B3GAT2: variants seen among roughly 807,000 people sequenced by gnomAD.
The protein encoded by B3GAT2 is galactosylgalactosylxylosylprotein 3-beta-glucuronosyltransferase 2.
Under a neutral mutation model 27.8 loss-of-function variants are expected in B3GAT2, and 26 were observed. That is an observed-to-expected ratio of 0.93 (90% CI 0.68 to 1.30). The LOEUF is 1.30. Ranked by LOEUF, B3GAT2 falls within the 50% of genes most tolerant of loss-of-function variation. The pLI is 0.00. For synonymous variants in B3GAT2, 218 were observed against 195.1 expected, an observed-to-expected ratio of 1.12 and a Z score of -0.98; for missense variants, 458 against 459.0, an observed-to-expected ratio of 1.00 and a Z score of 0.02.
intron 1 of B3GAT2, among the ~76,000 whole-genome samples, chr6:70,948,032 C>A (rs13202347): frequency 2.6e-5 from 4 of 151,902 alleles, no homozygotes; most frequent in Non-Finnish European, 4.4e-5. Context: ...ATTCAACAAC[C>A]CTTCATGCTA....
intron 1 of B3GAT2, among the ~76,000 whole-genome samples, chr6:70,929,213 G>A (rs566607791): frequency 2.0e-5 from 3 of 152,176 alleles, no homozygotes; most frequent in Non-Finnish European, 4.4e-5. Flanking sequence ...TAGGGAGAGG[G>A]GGGAGGGATA....
Position 70,856,909 on chromosome 6 carries a change from G to C in B3GAT2, c.*4754C>G, listed in dbSNP as rs2150013427. 1 of 1,613,774 alleles carries C rather than the reference G, an allele frequency of 6.2e-7. No homozygotes were observed. Among genetic ancestry groups the C allele is most frequent in the East Asian group, 2.2e-5 (1 of 44,860 alleles). ...CAACCCTGTCTACAGTAACATCTGG[G>C]GATCTAGATTTATTCACTGAGCAAA... is the stretch of plus-strand genomic sequence containing the variant. On this transcript the variant is annotated 3_prime_UTR_variant, in exon 4 of 4. Transcript: ENST00000230053.
intron 1 of B3GAT2, among the ~76,000 whole-genome samples, chr6:70,930,919 G>A (rs1773051300): frequency 1.3e-5 from 2 of 152,174 alleles, no homozygotes; most frequent in Non-Finnish European, 2.9e-5. Flanking sequence ...CAATAGCAAA[G>A]ACTTGGAACC....
At position 70,859,933 on chromosome 6, in the gene B3GAT2, C is replaced by T. The variant is rs933184724; in HGVS notation, c.*1730G>A. The T allele has an allele frequency of 3.7e-5, 12 of 321,168 alleles. No individual in the cohort carries two copies. Among genetic ancestry groups the T allele is most frequent in the Non-Finnish European group, 4.5e-5 (8 of 175,966 alleles). 19.9% of individuals were successfully genotyped at this position (321,168 alleles called of 1,614,324 possible). ...TGTAGGTGAAAGTTAGTTAGAGTAG[C>T]GGACTCATTAAAATCCCAAGATTGC... On this transcript the variant is annotated 3_prime_UTR_variant, in exon 4 of 4. Transcript: ENST00000230053.
chr6:70,919,461 A>G (rs1772830357), intron 1 of B3GAT2, among the ~76,000 whole-genome samples: 1 of 152,100 alleles, frequency 6.6e-6, no homozygotes, highest in South Asian at 2.1e-4. Context: ...AGGAGTTGTG[A>G]TCCTTGGAGA....
At position 70,859,250 on chromosome 6, in the gene B3GAT2, C is replaced by A; in HGVS notation, c.*2413G>T. The A allele has an allele frequency of 1.0e-6, 1 of 982,246 alleles. No individual in the cohort carries two copies. The highest frequency in any genetic ancestry group is 1.5e-6 in the Non-Finnish European group (1 of 668,634). 60.8% of individuals were successfully genotyped at this position (982,246 alleles called of 1,614,324 possible). A position where few individuals can be genotyped will look rare whatever the true frequency, so the allele number is the denominator to read the frequency against. On this transcript the variant is annotated 3_prime_UTR_variant, in exon 4 of 4. Transcript: ENST00000230053. ...ATGTGCTAAGTGTCAGTCACATGGT[C>A]AACATGCTGAAGCACACCCAGCTCA...
chr6:70,888,019 C>CAAGGGACT (rs1227336012), intron 2 of B3GAT2, among the ~76,000 whole-genome samples: 2 of 152,208 alleles, frequency 1.3e-5, no homozygotes, highest in Non-Finnish European at 2.9e-5. Context: ...GAGCTATGAG[C>CAAGGGACT]AAGGGACTGC....
rs1276792381 is a variant in B3GAT2 at position 70,956,274 on chromosome 6, G to C, written c.156C>G (p.Leu52=). ...GAGCCGGGCCGCCCCTGCGGAGCGG[G>C]AGTCGGGCGCCCCCGCGGCCCACCG... ...PYAVGRGGAR[L]PLRRGGPAHG... Residue 52 remains leucine, a synonymous_variant, in exon 1 of 4, where the codon CTC becomes CTG. Coordinates refer to ENST00000230053, the MANE Select transcript of B3GAT2 (RefSeq NM_080742.3). 1.2e-6 allele frequency: 2 copies of C among 1,608,766 alleles called. No individual in the cohort carries two copies. Among genetic ancestry groups the C allele is most frequent in the East Asian group, 4.5e-5 (2 of 44,728 alleles).
intron 1 of B3GAT2, among the ~76,000 whole-genome samples, chr6:70,898,506 C>A (rs1005703496): frequency 6.6e-6 from 1 of 152,050 alleles, no homozygotes; most frequent in African/African-American, 2.4e-5. Flanking sequence ...ACAGAGAAAC[C>A]AGGTTAAACC....
chr6:70,937,727 A>C (rs1312058181), intron 1 of B3GAT2, among the ~76,000 whole-genome samples: 2 of 152,074 alleles, frequency 1.3e-5, no homozygotes, highest in Non-Finnish European at 2.9e-5. Context: ...AACTCTCAAT[A>C]AATTAGGTAT....
Position 70,860,755 on chromosome 6 carries a change from A to C in B3GAT2, c.*908T>G, listed in dbSNP as rs188347261. On this transcript the variant is annotated 3_prime_UTR_variant, in exon 4 of 4. Coordinates refer to ENST00000230053, the MANE Select transcript of B3GAT2 (RefSeq NM_080742.3). ...GTACTGTATGATCAAATGTTTAATC[A>C]TATAAATAGAATGTAAATGTCTCAC... 2.5e-6 allele frequency: 1 copy of C among 400,020 alleles called. No homozygotes were observed. Among genetic ancestry groups the C allele is most frequent in the Non-Finnish European group, 4.4e-6 (1 of 226,646 alleles). 24.8% of individuals were successfully genotyped at this position (400,020 alleles called of 1,614,324 possible).
intron 1 of B3GAT2, among the ~76,000 whole-genome samples, chr6:70,914,922 C>T (rs9446306): frequency 0.05 from 7,607 of 152,218 alleles, 204 homozygotes; most frequent in African/African-American, 0.067. Flanking sequence ...TATATACCCA[C>T]AAATGGGATT....
intron 1 of B3GAT2, among the ~76,000 whole-genome samples, chr6:70,936,747 C>A (rs992868489): frequency 1.1e-3 from 162 of 152,044 alleles, no homozygotes; most frequent in African/African-American, 3.6e-3. Context: ...GGGATACATT[C>A]AAAGCAGTGT....
At position 70,861,441 on chromosome 6, in the gene B3GAT2, A is replaced by C; in HGVS notation, c.*222T>G. On this transcript the variant is annotated 3_prime_UTR_variant, in exon 4 of 4. Transcript: ENST00000230053. Reference sequence around the variant, plus strand: ...CCAATTTAGTTGTTGTAGAGAAAACATGCAGAACAAATGAAGACAAAACAT... The same window carrying C: ...CCAATTTAGTTGTTGTAGAGAAAACCTGCAGAACAAATGAAGACAAAACAT... 1 of 536,812 alleles carries C rather than the reference A, an allele frequency of 1.9e-6. No homozygotes were observed. The highest frequency in any genetic ancestry group is 3.1e-5 in the East Asian group (1 of 32,654). The allele number at this position is 536,812 out of a possible 1,614,324, so 33.3% of individuals were successfully genotyped here. A position where few individuals can be genotyped will look rare whatever the true frequency, so the allele number is the denominator to read the frequency against.
In B3GAT2 at chr6:70,860,822, C is replaced by T; in HGVS notation, c.*841G>A. 2 of 396,932 alleles carry T rather than the reference C, an allele frequency of 5.0e-6. No homozygotes were observed. Among genetic ancestry groups the T allele is most frequent in the Non-Finnish European group, 4.4e-6 (1 of 224,830 alleles). The allele number at this position is 396,932 out of a possible 1,614,324, so 24.6% of individuals were successfully genotyped here. On this transcript the variant is annotated 3_prime_UTR_variant, in exon 4 of 4. Transcript: ENST00000230053. ...GTGTATCAAAATGCTCTTATTTCATCATTCACTTCACTGTGCTGTTGTTAT... is the reference window on the plus strand; with the variant it reads ...GTGTATCAAAATGCTCTTATTTCATTATTCACTTCACTGTGCTGTTGTTAT...
intron 1 of B3GAT2, among the ~76,000 whole-genome samples, chr6:70,951,474 C>T (rs551711143): frequency 2.0e-5 from 3 of 152,124 alleles, no homozygotes; most frequent in African/African-American, 2.4e-5. Flanking sequence ...AGCAATAATC[C>T]GAACATGTTT....
intron 1 of B3GAT2, among the ~76,000 whole-genome samples, chr6:70,933,851 G>A (rs745504066): frequency 5.9e-5 from 9 of 152,106 alleles, no homozygotes; most frequent in African/African-American, 1.9e-4. Flanking sequence ...TCTGAGAGAC[G>A]TACAAATAGA....
At chr6:70,881,899 G>A (rs1772104771) in intron 2 of B3GAT2, among the ~76,000 whole-genome samples, 1 of 152,142 alleles carries the variant, frequency 6.6e-6, no homozygotes, top group Non-Finnish European at 1.5e-5. Context: ...AAGCTTCATT[G>A]TACATGTCCT....
At chr6:70,883,887 C>T (rs1319651291) in intron 2 of B3GAT2, among the ~76,000 whole-genome samples, 1 of 151,802 alleles carries the variant, frequency 6.6e-6, no homozygotes, top group Non-Finnish European at 1.5e-5. Flanking sequence ...CAATGGAAGA[C>T]GTATTTTCTA....
Sources: allele counts gnomAD v4.1 joint callset (sites outside exome capture counted in the v4.1 genomes callset), GRCh38; gene constraint gnomAD v4.1.1; transcripts MANE v1.5; gene names NCBI Gene and HGNC (gene_info 2026-07-23, HGNC 2026-07-21).